PTPRO: variants seen among roughly 807,000 people sequenced by gnomAD.
The protein encoded by PTPRO is receptor-type tyrosine-protein phosphatase O.
Under a neutral mutation model 145.2 loss-of-function variants are expected in PTPRO, and 62 were observed. The ratio of observed to expected loss-of-function variants is 0.43; its 90% CI spans 0.35 to 0.53. The LOEUF is 0.53. PTPRO is among the 20% of genes least tolerant of loss of function. The probability of loss-of-function intolerance (pLI) is 0.01; values close to 1 mark genes in which losing one functional copy is unlikely to be tolerated. For missense variants in PTPRO, 1,345 were observed against 1,482.7 expected, an observed-to-expected ratio of 0.91 and a Z score of 1.53; for synonymous variants, 565 against 514.7, an observed-to-expected ratio of 1.10 and a Z score of -1.32.
chr12:15,468,934 G>A (rs1258307660), intron 1 of PTPRO, among the ~76,000 whole-genome samples: 2 of 152,202 alleles, frequency 1.3e-5, no homozygotes, highest in African/African-American at 4.8e-5. Flanking sequence ...TTGCTTTAAA[G>A]TTCTGACAAT....
In PTPRO at chr12:15,362,672, G is replaced by T. The variant is rs1408192394; in HGVS notation, c.75+39871G>T. Among the ~76,000 whole-genome samples, 3 of 151,968 alleles carry T rather than the reference G, an allele frequency of 2.0e-5. No homozygotes were observed. The South Asian group carries it at 6.2e-4, about 32-fold the overall frequency. Reference sequence around the variant, plus strand: ...GAAAGTGAATTAAGAACATGAAATAGGTCCAGTAAAATATGAACCCACACA... The same window carrying T: ...GAAAGTGAATTAAGAACATGAAATATGTCCAGTAAAATATGAACCCACACA... On this transcript the variant is annotated intron_variant, in intron 1 of 26. Transcript: ENST00000281171.
intron 9 of PTPRO, among the ~76,000 whole-genome samples, chr12:15,518,425 T>G (rs1394744636): frequency 2.0e-5 from 3 of 152,250 alleles, no homozygotes; most frequent in Non-Finnish European, 4.4e-5. Flanking sequence ...ATCTCTGACT[T>G]GACCTGGAGA....
Position 15,546,535 on chromosome 12 carries a change from A to G in PTPRO, c.2165-34A>G. ...AAAGAAGAAAGAATACACTTAGTAA[A>G]TTAAATTTTTTTTAAAACTTTGTCT... On this transcript the variant is annotated intron_variant, in intron 12 of 26. Transcript: ENST00000281171. 6.4e-7 allele frequency: 1 copy of G among 1,553,284 alleles called. No individual in the cohort carries two copies. The highest frequency in any genetic ancestry group is 8.7e-7 in the Non-Finnish European group (1 of 1,147,158).
intron 1 of PTPRO, among the ~76,000 whole-genome samples, chr12:15,360,837 T>TATATGTGTGTATATAC (rs1938162087): frequency 8.6e-6 from 1 of 115,828 alleles, no homozygotes; most frequent in African/African-American, 3.2e-5. Flanking sequence ...TGTATATATA[T>TATATGTGTGTATATAC]ACGTGTGTAT....
At chr12:15,427,344 T>C (rs1034567908) in intron 1 of PTPRO, among the ~76,000 whole-genome samples, 3 of 152,024 alleles carry the variant, frequency 2.0e-5, no homozygotes, top group African/African-American at 7.2e-5. Flanking sequence ...CTGATGAATT[T>C]ATTAAAAATT....
intron 12 of PTPRO, among the ~76,000 whole-genome samples, chr12:15,544,789 A>G (rs906187002): frequency 6.6e-6 from 1 of 152,336 alleles, no homozygotes; most frequent in Admixed American, 6.5e-5. Context: ...GGAAGTGAGA[A>G]GTGGAAATTG....
intron 1 of PTPRO, among the ~76,000 whole-genome samples, chr12:15,442,246 A>G (rs1591815748): frequency 6.6e-6 from 1 of 152,184 alleles, no homozygotes; most frequent in African/African-American, 2.4e-5. Context: ...AAAAACAAAA[A>G]CAATATGATT....
rs756501923 is a variant in PTPRO, at chr12:15,503,878, T to C, written c.1106-30T>C. 10 of 1,530,604 alleles carry C rather than the reference T, an allele frequency of 6.5e-6. No individual in the cohort carries two copies. In the South Asian group the frequency reaches 9.0e-5, roughly 14 times the overall value. The allele number at this position is 1,530,604 out of a possible 1,614,324, so 94.8% of individuals were successfully genotyped here. A position where few individuals can be genotyped will look rare whatever the true frequency, so the allele number is the denominator to read the frequency against. On this transcript the variant is annotated intron_variant, in intron 5 of 26. Coordinates refer to ENST00000281171, the MANE Select transcript of PTPRO (RefSeq NM_030667.3). ...CAGGGCCTTTCCAGGTGTCTATTCA[T>C]GTATCTTCTCTTTTTTATATATGAT... is the stretch of plus-strand genomic sequence containing the variant.
chr12:15,344,704 C>T (rs1417764330), intron 1 of PTPRO, among the ~76,000 whole-genome samples: 2 of 152,074 alleles, frequency 1.3e-5, no homozygotes, highest in Non-Finnish European at 1.5e-5. Flanking sequence ...AATTCAATGT[C>T]GTCTCTCTCT....
intron 1 of PTPRO, among the ~76,000 whole-genome samples, chr12:15,433,891 A>G (rs1398383169): frequency 6.6e-6 from 1 of 152,138 alleles, no homozygotes; most frequent in Admixed American, 6.5e-5. Context: ...TAGTTCTGTG[A>G]AAAATGCCGT....
At chr12:15,357,469 G>A (rs1423376644) in intron 1 of PTPRO, among the ~76,000 whole-genome samples, 1 of 152,028 alleles carries the variant, frequency 6.6e-6, no homozygotes, top group Non-Finnish European at 1.5e-5. Flanking sequence ...CTGTGTAAAG[G>A]AAAGTGGAAC....
rs75581646 is a variant in PTPRO at position 15,349,362 on chromosome 12, G to C, written c.75+26561G>C. On this transcript the variant is annotated intron_variant, in intron 1 of 26. Transcript: ENST00000281171. ...GAATGAGTGACATGAGGACTTGTTT[G>C]TCCCACAAAATGTATTTGGATGTAT... Among the ~76,000 whole-genome samples the C allele has an allele frequency of 1.3e-3, 191 of 152,282 alleles. 3 individuals carry two copies. In the South Asian group the frequency reaches 0.015, roughly 12 times the overall value.
chr12:15,522,538 G>A (rs1244725931), intron 10 of PTPRO, among the ~76,000 whole-genome samples: 4 of 151,854 alleles, frequency 2.6e-5, no homozygotes, highest in Non-Finnish European at 5.9e-5. Flanking sequence ...AAAAACGCGT[G>A]TGTGTGTGAT....
At chr12:15,420,536 A>T (rs78030918) in intron 1 of PTPRO, among the ~76,000 whole-genome samples, 26,382 of 151,530 alleles carry the variant, frequency 0.17, 2,690 homozygotes, top group East Asian at 0.29. Flanking sequence ...ACATTTCCTG[A>T]CCAACTCATG....
intron 1 of PTPRO, among the ~76,000 whole-genome samples, chr12:15,482,179 A>ATC (rs1941792928): frequency 6.6e-6 from 1 of 150,862 alleles, no homozygotes; most frequent in African/African-American, 2.4e-5. Context: ...ATATATATAT[A>ATC]TGTGTGTGTG....
intron 19 of PTPRO, among the ~76,000 whole-genome samples, chr12:15,570,021 T>C (rs533675410): frequency 2.0e-5 from 3 of 152,308 alleles, no homozygotes; most frequent in African/African-American, 7.2e-5. Flanking sequence ...CTTGGACAAA[T>C]TGGGGAGATA....
Position 15,341,432 on chromosome 12 carries a change from G to T in PTPRO, c.75+18631G>T, listed in dbSNP as rs573486249. Among the ~76,000 whole-genome samples, 4 of 152,170 alleles carry T rather than the reference G, an allele frequency of 2.6e-5. No homozygotes were observed. The South Asian group carries it at 8.3e-4, about 32-fold the overall frequency. On this transcript the variant is annotated intron_variant, in intron 1 of 26. Coordinates refer to ENST00000281171, the MANE Select transcript of PTPRO (RefSeq NM_030667.3). Reference sequence around the variant, plus strand: ...GTAAATTGTCTCAACCTTGAGCTGGGAAGTGTACTGCCATGACTGAAAAAA... The same window carrying T: ...GTAAATTGTCTCAACCTTGAGCTGGTAAGTGTACTGCCATGACTGAAAAAA...
intron 1 of PTPRO, among the ~76,000 whole-genome samples, chr12:15,404,292 A>G (rs1939589095): frequency 6.6e-6 from 1 of 150,604 alleles, no homozygotes; most frequent in Non-Finnish European, 1.5e-5. Context: ...GTCCAGAACT[A>G]TATTTCTTAA....
intron 1 of PTPRO, among the ~76,000 whole-genome samples, chr12:15,408,824 G>A (rs764045424): frequency 3.4e-4 from 51 of 152,234 alleles, no homozygotes; most frequent in African/African-American, 7.9e-4. Flanking sequence ...ATATAACACC[G>A]TTAGCTTCTC....
Sources: gnomAD v4.1 joint callset for allele counts (sites outside exome capture counted in the v4.1 genomes callset) on GRCh38, gnomAD v4.1.1 for gene constraint, MANE v1.5 for transcripts, NCBI Gene and HGNC (gene_info 2026-07-23, HGNC 2026-07-21) for gene names.